The following TEK variants were observed in gnomAD, a reference collection of about 807,000 sequenced individuals.
TEK encodes the protein TEK receptor tyrosine kinase, also known as angiopoietin-1 receptor.
In TEK, 43 loss-of-function variants were observed where a neutral mutation model predicts 131.8. That is an observed-to-expected ratio of 0.33 (90% CI 0.26 to 0.42). The LOEUF (loss-of-function observed/expected upper bound fraction) is 0.42. TEK is among the 10% of genes least tolerant of loss of function. The pLI is 1.00. For synonymous variants in TEK, 580 were observed against 491.6 expected, an observed-to-expected ratio of 1.18 and a Z score of -2.38; for missense variants, 1,162 against 1,384.4, an observed-to-expected ratio of 0.84 and a Z score of 2.55.
chr9:27,176,690 G>C (rs1824184135), intron 6 of TEK, among the ~76,000 whole-genome samples: 1 of 152,330 alleles, frequency 6.6e-6, no homozygotes, highest in African/African-American at 2.4e-5. Context: ...CTGTGTGTGT[G>C]GGTGTGGTGA....
intron 13 of TEK, among the ~76,000 whole-genome samples, chr9:27,203,702 T>C (rs1825303113): frequency 6.6e-6 from 1 of 152,180 alleles, no homozygotes; most frequent in South Asian, 2.1e-4. Context: ...CCCATGTGGG[T>C]GGAGCTGCAG....
chr9:27,121,174 A>C (rs920822323), intron 1 of TEK, among the ~76,000 whole-genome samples: 3 of 152,106 alleles, frequency 2.0e-5, no homozygotes, highest in African/African-American at 7.2e-5. Context: ...ATACAAAAAA[A>C]AAATTAGCCA....
chr9:27,136,532 A>C (rs1822447576), intron 1 of TEK, among the ~76,000 whole-genome samples: 3 of 152,206 alleles, frequency 2.0e-5, no homozygotes, highest in Admixed American at 2.0e-4. Context: ...GAACGGGAGC[A>C]ATTTCTCCAC....
chr9:27,130,022 C>T (rs1022087466), intron 1 of TEK, among the ~76,000 whole-genome samples: 1 of 152,204 alleles, frequency 6.6e-6, no homozygotes, highest in East Asian at 1.9e-4. Flanking sequence ...CTTATCCAAT[C>T]ACCTAAAGAT....
In TEK at chr9:27,172,733, G is replaced by A; in HGVS notation, c.746G>A (p.Arg249Lys). 6.2e-7 allele frequency: 1 copy of A among 1,613,640 alleles called. No homozygotes were observed. Among genetic ancestry groups the A allele is most frequent in the Admixed American group, 1.7e-5 (1 of 59,988 alleles). The change falls in exon 5 of 23, where the codon AGG (arginine) becomes AAG (lysine). Residue 249 changes from arginine to lysine, a missense_variant. By Grantham distance (26) the Arg-to-Lys change is conservative. Coordinates refer to ENST00000380036, the MANE Select transcript of TEK (RefSeq NM_000459.5). ...ATTTGCCCTCCTGGGTTTATGGGAA[G>A]GACGTGTGAGAAGGGTAAGTAAAGA... ...ECICPPGFMG[R>K]TCEKACELHT...
intron 1 of TEK, among the ~76,000 whole-genome samples, chr9:27,118,464 T>C (rs1821653438): frequency 6.6e-6 from 1 of 151,934 alleles, no homozygotes; most frequent in South Asian, 2.1e-4. Flanking sequence ...GGGAGACCCA[T>C]CTCTACAAAT....
At chr9:27,205,204 C>A in intron 14 of TEK, 139 bp downstream of exon 14, 2 of 1,120,108 alleles carry the variant, frequency 1.8e-6, no homozygotes, top group Non-Finnish European at 1.3e-6. Flanking sequence ...CTTTGGCTTT[C>A]ATTATGAAAT....
intron 6 of TEK, 27 bp downstream of exon 6, chr9:27,173,389 G>T: frequency 6.2e-7 from 1 of 1,613,510 alleles, no homozygotes; most frequent in East Asian, 2.2e-5. Context: ...CCCTTGGACA[G>T]AGGATGTTCT....
intron 12 of TEK, among the ~76,000 whole-genome samples, chr9:27,199,488 C>T (rs554695648): frequency 6.6e-6 from 1 of 152,188 alleles, no homozygotes; most frequent in African/African-American, 2.4e-5. Flanking sequence ...TTCCTTATAC[C>T]CATCTCTATG....
At chr9:27,192,460 TAA>T in intron 10 of TEK, 27 bp from the exon 11 acceptor site, 4 of 1,613,500 alleles carry the variant, frequency 2.5e-6, no homozygotes, top group Non-Finnish European at 3.4e-6. Context: ...AATGCCAACT[TAA>T]GTTTCCTGGA....
chr9:27,139,223 A>G lies in TEK; in HGVS notation c.53-18608A>G, dbSNP rs1025008122. 3.3e-5 allele frequency among the ~76,000 whole-genome samples: 5 copies of G among 150,230 alleles called. 1 individual carries two copies. The highest frequency in any genetic ancestry group is 5.9e-5 in the Non-Finnish European group (4 of 67,586). ...GCGAGACTCTGTCTCAAAAAAAAAAAAACAGTAGGATTCTTATTTTTTATT... is the reference window on the plus strand; with the variant it reads ...GCGAGACTCTGTCTCAAAAAAAAAAGAACAGTAGGATTCTTATTTTTTATT... On this transcript the variant is annotated intron_variant, in intron 1 of 22. Coordinates refer to ENST00000380036, the MANE Select transcript of TEK (RefSeq NM_000459.5).
At chr9:27,196,911 G>A (rs931374134) in intron 11 of TEK, among the ~76,000 whole-genome samples, 3 of 151,026 alleles carry the variant, frequency 2.0e-5, no homozygotes, top group African/African-American at 4.9e-5. Flanking sequence ...TGTGCACAAC[G>A]TGCAGGTTAG....
At chr9:27,139,229 T>A (rs1468787027) in intron 1 of TEK, among the ~76,000 whole-genome samples, 13 of 110,020 alleles carry the variant, frequency 1.2e-4, no homozygotes, top group Admixed American at 2.8e-4. Flanking sequence ...AAAAAAACAG[T>A]AGGATTCTTA....
intron 1 of TEK, among the ~76,000 whole-genome samples, chr9:27,119,519 T>C (rs964461299): frequency 6.6e-6 from 1 of 152,164 alleles, no homozygotes; most frequent in African/African-American, 2.4e-5. Context: ...TGGCTTCCCT[T>C]GGTGTCCTAA....
intron 21 of TEK, among the ~76,000 whole-genome samples, chr9:27,226,042 C>T (rs1049114920): frequency 8.5e-5 from 13 of 152,160 alleles, no homozygotes; most frequent in African/African-American, 3.1e-4. Context: ...TGCCATTTCA[C>T]ACCAGTTAGA....
chr9:27,165,249 G>T (rs1156409254), intron 2 of TEK, among the ~76,000 whole-genome samples: 4 of 152,152 alleles, frequency 2.6e-5, no homozygotes, highest in Admixed American at 6.5e-5. Context: ...AAGTCCCACG[G>T]TCAGCTAAAC....
At chr9:27,172,050 G>T (rs1823978536) in intron 4 of TEK, among the ~76,000 whole-genome samples, 1 of 152,162 alleles carries the variant, frequency 6.6e-6, no homozygotes, top group Non-Finnish European at 1.5e-5. Flanking sequence ...CCTAATCTCT[G>T]CTCTCACTGA....
At chr9:27,208,488 A>G (rs531239611) in intron 15 of TEK, among the ~76,000 whole-genome samples, 1 of 152,304 alleles carries the variant, frequency 6.6e-6, no homozygotes, top group East Asian at 1.9e-4. Flanking sequence ...GACAAGGCAA[A>G]AAGAATAGAA....
At chr9:27,128,325 C>T (rs1822071073) in intron 1 of TEK, among the ~76,000 whole-genome samples, 1 of 152,080 alleles carries the variant, frequency 6.6e-6, no homozygotes, top group South Asian at 2.1e-4. Context: ...TTTTCTGTTC[C>T]ATTGGTCTAG....
Sources: gnomAD v4.1 joint callset for allele counts (sites outside exome capture counted in the v4.1 genomes callset) on GRCh38, gnomAD v4.1.1 for gene constraint, MANE v1.5 for transcripts, NCBI Gene and HGNC (gene_info 2026-07-23, HGNC 2026-07-21) for gene names.